Variants in FOXJ3 observed in about 807,000 individuals in gnomAD.
The protein encoded by FOXJ3 is forkhead box protein J3.
A neutral mutation model predicts 76.1 loss-of-function variants in FOXJ3; 22 were observed. The ratio of observed to expected loss-of-function variants is 0.29; its 90% CI spans 0.21 to 0.41. The LOEUF is 0.41. FOXJ3 is among the 10% of genes least tolerant of loss of function. FOXJ3 has a pLI of 1.00. For missense variants in FOXJ3, 613 were observed against 762.1 expected (o/e 0.80, Z 2.30); for synonymous variants, 269 against 261.2 (o/e 1.03, Z -0.29).
chr1:42,260,807 A>G (rs1207348454), intron 4 of FOXJ3, among the ~76,000 whole-genome samples: 1 of 152,200 alleles, frequency 6.6e-6, no homozygotes, highest in Non-Finnish European at 1.5e-5. Context: ...TCCCATTCCC[A>G]GGCAAGACAA....
intron 5 of FOXJ3, among the ~76,000 whole-genome samples, chr1:42,226,222 TAAAAAA>T (rs35054730): frequency 1.3e-3 from 187 of 141,860 alleles, no homozygotes; most frequent in African/African-American, 4.1e-3. Context: ...GAGGAGTGCT[TAAAAAA>T]AAAAAAAAGG....
chr1:42,269,660 T>C (rs1651727215), intron 3 of FOXJ3, among the ~76,000 whole-genome samples: 1 of 152,220 alleles, frequency 6.6e-6, no homozygotes. Flanking sequence ...TTATGCCCAA[T>C]GTGATCTTAT....
chr1:42,272,409 CA>C (rs1453288226), intron 3 of FOXJ3, among the ~76,000 whole-genome samples: 2 of 152,118 alleles, frequency 1.3e-5, no homozygotes, highest in African/African-American at 2.4e-5. Context: ...TCGAAGTGTT[CA>C]AAATATTTCT....
intron 11 of FOXJ3, among the ~76,000 whole-genome samples, chr1:42,183,617 T>C (rs893344272): frequency 2.6e-5 from 4 of 152,038 alleles, no homozygotes; most frequent in African/African-American, 9.7e-5. Flanking sequence ...CCTAAGTTTA[T>C]CTACTATTTC....
At chr1:42,285,472 C>A (rs982274745) in intron 2 of FOXJ3, among the ~76,000 whole-genome samples, 2 of 151,674 alleles carry the variant, frequency 1.3e-5, no homozygotes, top group African/African-American at 4.9e-5. Context: ...AGCAAAAAGT[C>A]TAGAAATTAA....
In FOXJ3 at chr1:42,265,646, C is replaced by T. The variant is rs3820585; in HGVS notation, c.370-457G>A. On this transcript the variant is annotated intron_variant, in intron 3 of 12. Transcript: ENST00000361346. The stretch of plus-strand genomic sequence containing the variant: ...GATGATGACTATTTTCTTCTCTTTA[C>T]TTTTCTGCAAAGTCCAAATGGTCTG... 0.015 allele frequency among the ~76,000 whole-genome samples: 2,213 copies of T among 152,208 alleles called. 197 individuals carry two copies. In the East Asian group the frequency reaches 0.25, roughly 17 times the overall value.
intron 2 of FOXJ3, among the ~76,000 whole-genome samples, chr1:42,299,944 C>T (rs1008600756): frequency 5.3e-5 from 8 of 151,852 alleles, no homozygotes; most frequent in Non-Finnish European, 8.8e-5. Flanking sequence ...TGGCTCACAC[C>T]GTAATCCGAG....
At chr1:42,318,205 T>C (rs549975893) in intron 1 of FOXJ3, among the ~76,000 whole-genome samples, 6 of 152,286 alleles carry the variant, frequency 3.9e-5, no homozygotes, top group African/African-American at 1.4e-4. Context: ...AAACAACTCT[T>C]ACAACTCAAT....
intron 1 of FOXJ3, among the ~76,000 whole-genome samples, chr1:42,314,001 T>A (rs1015689947): frequency 2.0e-5 from 3 of 152,300 alleles, no homozygotes; most frequent in South Asian, 4.2e-4. Context: ...ACTGAATTCA[T>A]CATCTTCTCT....
intron 4 of FOXJ3, among the ~76,000 whole-genome samples, chr1:42,237,364 G>A (rs1294357658): frequency 6.8e-6 from 1 of 148,042 alleles, no homozygotes; most frequent in African/African-American, 2.5e-5. Context: ...AACAGGGCAA[G>A]ACTCCATCTC....
chr1:42,196,650 A>G (rs1483462889), intron 7 of FOXJ3, among the ~76,000 whole-genome samples: 1 of 152,186 alleles, frequency 6.6e-6, no homozygotes, highest in African/African-American at 2.4e-5. Context: ...CTGAGAACAC[A>G]CCATTGCACT....
intron 3 of FOXJ3, among the ~76,000 whole-genome samples, chr1:42,269,047 T>C (rs1187420379): frequency 6.6e-6 from 1 of 152,142 alleles, no homozygotes. Flanking sequence ...GAAATAAACA[T>C]TTGTTGTTTG....
chr1:42,262,540 G>A (rs1201290972), intron 4 of FOXJ3, among the ~76,000 whole-genome samples: 1 of 152,136 alleles, frequency 6.6e-6, no homozygotes, highest in Non-Finnish European at 1.5e-5. Flanking sequence ...AAATCAAAGA[G>A]AAAAATGTAT....
intron 7 of FOXJ3, among the ~76,000 whole-genome samples, chr1:42,195,932 T>A (rs1646642113): frequency 2.6e-5 from 4 of 152,276 alleles, no homozygotes; most frequent in Admixed American, 2.6e-4. Context: ...CAAGTGGTTT[T>A]GAGGCGAAAA....
At chr1:42,307,812 A>T (rs1654558314) in intron 2 of FOXJ3, among the ~76,000 whole-genome samples, 2 of 152,232 alleles carry the variant, frequency 1.3e-5, no homozygotes, top group Non-Finnish European at 2.9e-5. Context: ...GGTATAAAAA[A>T]GGCAAGTTCT....
intron 1 of FOXJ3, chr1:42,323,816 C>T: frequency 2.7e-6 from 1 of 374,206 alleles, no homozygotes. Flanking sequence ...TCTACTGTTC[C>T]ACAGGGAAGA....
At chr1:42,332,233 A>G (rs1283571310) in intron 1 of FOXJ3, among the ~76,000 whole-genome samples, 1 of 152,152 alleles carries the variant, frequency 6.6e-6, no homozygotes, top group Non-Finnish European at 1.5e-5. Context: ...TCTTCATTAT[A>G]CTACTACCCT....
chr1:42,234,692 A>C (rs144521020), intron 4 of FOXJ3, among the ~76,000 whole-genome samples: 4,818 of 152,272 alleles, frequency 0.032, 105 homozygotes, highest in Non-Finnish European at 0.04. Context: ...GGGTATCAGC[A>C]GCAGAGGTTG....
intron 4 of FOXJ3, among the ~76,000 whole-genome samples, chr1:42,250,354 C>T (rs948246053): frequency 2.0e-5 from 3 of 152,120 alleles, no homozygotes; most frequent in South Asian, 2.1e-4. Flanking sequence ...AAGGATAATA[C>T]GTCATACCCT....
Sources: gnomAD v4.1 joint callset for allele counts (sites outside exome capture counted in the v4.1 genomes callset) on GRCh38, gnomAD v4.1.1 for gene constraint, MANE v1.5 for transcripts, NCBI Gene and HGNC (gene_info 2026-07-23, HGNC 2026-07-21) for gene names.